The following ACTR6 variants were observed in gnomAD, a reference collection of about 807,000 sequenced individuals.
ACTR6 encodes actin-related protein 6.
A neutral mutation model predicts 52.5 loss-of-function variants in ACTR6; 50 were observed. That is an observed-to-expected ratio of 0.95 (90% confidence interval 0.76 to 1.20). The LOEUF is 1.20. ACTR6 is among the 50% of genes most tolerant of loss of function. The pLI is 0.00. For missense variants in ACTR6, 344 were observed against 472.4 expected (o/e 0.73, Z 2.52); for synonymous variants, 135 against 147.2 (o/e 0.92, Z 0.60).
intron 10 of ACTR6, among the ~76,000 whole-genome samples, chr12:100,220,542 GTT>G (rs2096127324): frequency 6.6e-6 from 1 of 151,898 alleles, no homozygotes; most frequent in Non-Finnish European, 1.5e-5. Flanking sequence ...ATTGTGATAA[GTT>G]TTATCAATTC....
chr12:100,205,004 A>G lies in ACTR6; in HGVS notation c.133A>G (p.Ile45Val), dbSNP rs745605106. The G allele has an allele frequency of 3.7e-6, 6 of 1,612,656 alleles. No individual in the cohort carries two copies. Among genetic ancestry groups the G allele is most frequent in the Non-Finnish European group, 5.1e-6 (6 of 1,179,030 alleles). Residue 45 changes from isoleucine to valine, a missense_variant, in exon 2 of 11, where the codon ATA becomes GTA. Coordinates refer to ENST00000188312, the MANE Select transcript of ACTR6 (RefSeq NM_022496.5). ...ARLKTFTANQ[I>V]DEIKDPSGLF... ...TCTTAAAACTTTTACTGCCAACCAGATAGATGAAATAAAAGACCCTTCTGG... is the reference window on the plus strand; with the variant it reads ...TCTTAAAACTTTTACTGCCAACCAGGTAGATGAAATAAAAGACCCTTCTGG...
At chr12:100,221,024 A>C (rs998210091) in intron 10 of ACTR6, among the ~76,000 whole-genome samples, 6 of 152,044 alleles carry the variant, frequency 3.9e-5, no homozygotes, top group Non-Finnish European at 7.4e-5. Flanking sequence ...AAAAAAAAAA[A>C]AACAAAAAAA....
At chr12:100,219,160 TAAAAAA>T (rs563553340) in intron 9 of ACTR6, among the ~76,000 whole-genome samples, 5 of 117,942 alleles carry the variant, frequency 4.2e-5, no homozygotes, top group African/African-American at 6.3e-5. Context: ...TTCCTCTCAT[TAAAAAA>T]AAAAAAAAAA....
chr12:100,212,485 A>G lies in ACTR6; in HGVS notation c.707A>G (p.Tyr236Cys). ...GAAGAAAATACAGTAATGATAGACT[A>G]TGTCTTGCCTGACTTCAGTACAATT... is the stretch of plus-strand genomic sequence containing the variant. ...KGEENTVMID[Y>C]VLPDFSTIKK... Residue 236 changes from tyrosine (Y) to cysteine (C), a missense_variant, in exon 8 of 11, where the codon TAT (tyrosine) becomes TGT (cysteine). By Grantham distance (194) the Tyr-to-Cys change is radical. Coordinates refer to ENST00000188312, the MANE Select transcript of ACTR6 (RefSeq NM_022496.5). 2 of 1,613,940 alleles carry G rather than the reference A, an allele frequency of 1.2e-6. No individual in the cohort carries two copies. The highest frequency in any genetic ancestry group is 8.5e-7 in the Non-Finnish European group (1 of 1,179,878).
intron 4 of ACTR6, chr12:100,208,085 T>C: frequency 3.7e-6 from 1 of 268,262 alleles, no homozygotes; most frequent in South Asian, 3.9e-5. Flanking sequence ...CGTTTGAGCC[T>C]GGGAGGTTGA....
intron 10 of ACTR6, among the ~76,000 whole-genome samples, chr12:100,220,542 G>A (rs537023699): frequency 7.9e-5 from 12 of 152,014 alleles, no homozygotes; most frequent in Admixed American, 7.9e-4. Context: ...ATTGTGATAA[G>A]TTTTATCAAT....
chr12:100,220,944 A>G (rs888085914), intron 10 of ACTR6, among the ~76,000 whole-genome samples: 2 of 151,394 alleles, frequency 1.3e-5, no homozygotes, highest in African/African-American at 2.4e-5. Flanking sequence ...CTAAGATTGC[A>G]CCACTGTATG....
chr12:100,205,186 TA>T, intron 2 of ACTR6, 129 bp downstream of exon 2: 5 of 574,972 alleles, frequency 8.7e-6, no homozygotes, highest in Admixed American at 3.5e-5. Context: ...AATTAAAATT[TA>T]ATTGTTTGGG....
intron 6 of ACTR6, among the ~76,000 whole-genome samples, chr12:100,211,904 T>C (rs2096120183): frequency 1.3e-5 from 2 of 152,208 alleles, no homozygotes; most frequent in South Asian, 4.1e-4. Flanking sequence ...GACTCAGCAA[T>C]ACTTAATATA....
chr12:100,217,220 T>C (rs2096124555), intron 8 of ACTR6, among the ~76,000 whole-genome samples: 1 of 152,258 alleles, frequency 6.6e-6, no homozygotes, highest in South Asian at 2.1e-4. Flanking sequence ...CAAGAATTCA[T>C]GGAGTATCTA....
intron 1 of ACTR6, among the ~76,000 whole-genome samples, chr12:100,202,888 T>C (rs541990037): frequency 7.8e-4 from 118 of 151,932 alleles, no homozygotes; most frequent in Admixed American, 5.2e-3. Flanking sequence ...GCTACTTCTG[T>C]ACCCTGTAGC....
At position 100,218,591 on chromosome 12, in the gene ACTR6, A is replaced by C. The variant is rs535533852; in HGVS notation, c.922+5A>C. The C allele has an allele frequency of 6.8e-7, 1 of 1,471,782 alleles. No individual in the cohort carries two copies. Among genetic ancestry groups the C allele is most frequent in the South Asian group, 1.5e-5 (1 of 68,032 alleles). The allele number at this position is 1,471,782 out of a possible 1,614,324, so 91.2% of individuals were successfully genotyped here. On this transcript the variant is annotated splice_donor_5th_base_variant and intron_variant, in intron 9 of 10. Coordinates refer to ENST00000188312, the MANE Select transcript of ACTR6 (RefSeq NM_022496.5). This position sits in a 1 kb window ranked among gnomAD's most constrained non-coding sequence, Gnocchi z 4.2. ...CAATTCAAAATCTACCTGAAGGTAC[A>C]TAAATAGAGTAAAATACTAAAGAAT...
intron 8 of ACTR6, among the ~76,000 whole-genome samples, chr12:100,217,315 G>T (rs2096124647): frequency 6.6e-6 from 1 of 152,190 alleles, no homozygotes; most frequent in Non-Finnish European, 1.5e-5. Flanking sequence ...TAGGGTGATA[G>T]AGAATAGTGA....
intron 4 of ACTR6, chr12:100,208,767 G>A (rs1348732546): frequency 2.2e-6 from 1 of 455,894 alleles, no homozygotes; most frequent in East Asian, 7.0e-5. Flanking sequence ...TTTTTGTTAA[G>A]TCAGGGTCTT....
At chr12:100,212,660 TAA>T (rs146130082) in intron 8 of ACTR6, 132 bp downstream of exon 8, 1 of 578,562 alleles carries the variant, frequency 1.7e-6, no homozygotes. Flanking sequence ...ATTATAAAAT[TAA>T]AAAAAAAATC....
At position 100,212,333 on chromosome 12, in the gene ACTR6, A is replaced by G; in HGVS notation, c.650A>G (p.Tyr217Cys). The G allele has an allele frequency of 6.2e-7, 1 of 1,611,338 alleles. No homozygotes were observed. The highest frequency in any genetic ancestry group is 8.5e-7 in the Non-Finnish European group (1 of 1,178,116). ...EDVCYVSQDF[Y>C]RDMDIAKLKG... Reference sequence around the variant, plus strand: ...GTATGCTATGTGTCTCAGGATTTTTATAGAGACATGGATATTGCAAAGTAT... The same window carrying G: ...GTATGCTATGTGTCTCAGGATTTTTGTAGAGACATGGATATTGCAAAGTAT... Residue 217 changes from tyrosine (Y) to cysteine (C), a missense_variant, in exon 7 of 11, where the codon TAT (tyrosine) becomes TGT (cysteine). Physicochemically the swap from Tyr to Cys is radical, Grantham distance 194 (BLOSUM62 -2). Coordinates refer to ENST00000188312, the MANE Select transcript of ACTR6 (RefSeq NM_022496.5).
intron 6 of ACTR6, among the ~76,000 whole-genome samples, chr12:100,211,152 A>G (rs2096119564): frequency 6.6e-6 from 1 of 152,128 alleles, no homozygotes; most frequent in Non-Finnish European, 1.5e-5. Flanking sequence ...CGCGCCCCTG[A>G]GCTTGGCAAG....
At chr12:100,217,255 ATAGT>A (rs560267705) in intron 8 of ACTR6, among the ~76,000 whole-genome samples, 9 of 152,174 alleles carry the variant, frequency 5.9e-5, no homozygotes, top group Non-Finnish European at 1.2e-4. Context: ...CTTTTTTATG[ATAGT>A]TAGTGGATAT....
At chr12:100,202,913 A>G (rs1213523628) in intron 1 of ACTR6, among the ~76,000 whole-genome samples, 2 of 151,980 alleles carry the variant, frequency 1.3e-5, no homozygotes, top group African/African-American at 2.4e-5. Flanking sequence ...GCAGTCTCCA[A>G]CCTTTTTGGC....
Sources: gnomAD v4.1 joint callset for allele counts (sites outside exome capture counted in the v4.1 genomes callset) on GRCh38, gnomAD v4.1.1 for gene constraint, Gnocchi (gnomAD v3.1) non-coding constraint, MANE v1.5 for transcripts, NCBI Gene and HGNC (gene_info 2026-07-23, HGNC 2026-07-21) for gene names.